Variants in RORA observed in about 807,000 individuals in gnomAD.
RORA encodes the protein RAR related orphan receptor A.
RORA carries 7 observed loss-of-function variants against 69.5 expected under a neutral mutation model. That is an observed-to-expected ratio of 0.10 (90% CI 0.06 to 0.19). The LOEUF is 0.19. RORA is among the 10% of genes least tolerant of loss of function. RORA has a pLI of 1.00. For missense variants in RORA, 457 were observed against 663.0 expected, an observed-to-expected ratio of 0.69 and a Z score of 3.41; for synonymous variants, 261 against 240.8, an observed-to-expected ratio of 1.08 and a Z score of -0.78.
At chr15:60,739,059 A>G (rs2071539753) in intron 1 of RORA, among the ~76,000 whole-genome samples, 1 of 152,214 alleles carries the variant, frequency 6.6e-6, no homozygotes, top group Admixed American at 6.5e-5. Flanking sequence ...TATTTTTCAA[A>G]TAAGGTCACA....
At chr15:60,997,928 T>C (rs569447184) in intron 1 of RORA, among the ~76,000 whole-genome samples, 1 of 152,336 alleles carries the variant, frequency 6.6e-6, no homozygotes, top group East Asian at 1.9e-4. Context: ...ATAATACTCT[T>C]GTTTATGTCT....
At chr15:60,700,346 G>T (rs1256139797) in intron 1 of RORA, among the ~76,000 whole-genome samples, 1 of 152,104 alleles carries the variant, frequency 6.6e-6, no homozygotes, top group African/African-American at 2.4e-5. Context: ...GTTGACCTTC[G>T]ATCCTGTCTG....
chr15:60,923,578 A>T (rs1321501351), intron 1 of RORA, among the ~76,000 whole-genome samples: 1 of 152,204 alleles, frequency 6.6e-6, no homozygotes, highest in Non-Finnish European at 1.5e-5. Context: ...GTCTCTCCCA[A>T]GTCTTTTTAA....
intron 2 of RORA, among the ~76,000 whole-genome samples, chr15:60,607,244 T>A (rs1254425359): frequency 6.6e-6 from 1 of 152,174 alleles, no homozygotes; most frequent in African/African-American, 2.4e-5. Flanking sequence ...CAGCATACTG[T>A]ACACACCATA....
At chr15:61,041,091 A>C (rs546437568) in intron 1 of RORA, 2 of 152,334 alleles carry the variant, frequency 1.3e-5, no homozygotes, top group Admixed American at 6.5e-5. Context: ...TGGAAAAAAA[A>C]CCCAAAACTC....
chr15:60,717,666 G>T (rs1298421410), intron 1 of RORA, among the ~76,000 whole-genome samples: 1 of 151,978 alleles, frequency 6.6e-6, no homozygotes, highest in Admixed American at 6.6e-5. Context: ...TTATGTGCCA[G>T]ACAATAAATA....
intron 2 of RORA, chr15:60,592,237 TG>T: frequency 2.3e-6 from 1 of 427,288 alleles, no homozygotes; most frequent in Non-Finnish European, 3.6e-6. Context: ...GCCGCGGCGG[TG>T]GCCCAGAAGG....
At position 61,125,079 on chromosome 15, in the gene RORA, T is replaced by C. The variant is rs529504518; in HGVS notation, c.166+103974A>G. Among the ~76,000 whole-genome samples the C allele has an allele frequency of 9.2e-5, 14 of 152,356 alleles. 1 individual carries two copies. The highest frequency in any genetic ancestry group is 2.9e-4 in the African/African-American group (12 of 41,580). Reference sequence around the variant, plus strand: ...TGTTCATCATCAACCTTTTCTGTGATTGCAATGTTGGTGGTGATGAAAATA... The same window carrying C: ...TGTTCATCATCAACCTTTTCTGTGACTGCAATGTTGGTGGTGATGAAAATA... On this transcript the variant is annotated intron_variant, in intron 1 of 10. Coordinates refer to ENST00000335670, the MANE Select transcript of RORA (RefSeq NM_134261.3).
intron 1 of RORA, among the ~76,000 whole-genome samples, chr15:60,903,520 T>C (rs1246950992): frequency 2.0e-5 from 3 of 152,242 alleles, no homozygotes; most frequent in Non-Finnish European, 4.4e-5. Context: ...CCTCAGTCTC[T>C]GTAGCCCAAA....
intron 2 of RORA, among the ~76,000 whole-genome samples, chr15:60,611,766 ATC>A (rs2069099089): frequency 6.6e-6 from 1 of 151,928 alleles, no homozygotes; most frequent in African/African-American, 2.4e-5. Context: ...TCACTCTTTC[ATC>A]ACTGCACTCA....
At chr15:60,985,710 G>C (rs1005656415) in intron 1 of RORA, among the ~76,000 whole-genome samples, 5 of 149,162 alleles carry the variant, frequency 3.4e-5, no homozygotes, top group African/African-American at 1.2e-4. Context: ...TCAGCCTCCT[G>C]AGTAGCTGAG....
At chr15:60,666,754 C>A (rs887650542) in intron 2 of RORA, among the ~76,000 whole-genome samples, 2 of 152,150 alleles carry the variant, frequency 1.3e-5, no homozygotes, top group African/African-American at 4.8e-5. Context: ...TGCATGGAAT[C>A]TCCTGGGAAC....
chr15:60,561,148 C>T (rs1488723297), intron 2 of RORA, among the ~76,000 whole-genome samples: 1 of 143,146 alleles, frequency 7.0e-6, no homozygotes, highest in East Asian at 2.1e-4. Context: ...GTGGCGCGAT[C>T]TCGGCTCACT....
chr15:60,611,895 A>G (rs1440986105), intron 2 of RORA, among the ~76,000 whole-genome samples: 1 of 152,214 alleles, frequency 6.6e-6, no homozygotes, highest in Non-Finnish European at 1.5e-5. Context: ...GCGGAAGGCC[A>G]AAGGACATTT....
chr15:61,073,759 C>T (rs2078405770), intron 1 of RORA, among the ~76,000 whole-genome samples: 1 of 152,166 alleles, frequency 6.6e-6, no homozygotes, highest in Non-Finnish European at 1.5e-5. Flanking sequence ...GAGAGGCAGG[C>T]AATCCATGTT....
At chr15:60,757,791 C>T (rs193160138) in intron 1 of RORA, among the ~76,000 whole-genome samples, 11 of 152,222 alleles carry the variant, frequency 7.2e-5, no homozygotes, top group African/African-American at 1.4e-4. Context: ...CCCTCTCTCC[C>T]GACCCCCAAA....
chr15:61,126,439 T>C (rs1596010784), intron 1 of RORA, among the ~76,000 whole-genome samples: 2 of 152,210 alleles, frequency 1.3e-5, no homozygotes, highest in East Asian at 1.9e-4. Context: ...GTCACTTCAT[T>C]GTATGACATC....
intron 2 of RORA, among the ~76,000 whole-genome samples, chr15:60,658,289 A>G (rs1020887931): frequency 2.0e-5 from 3 of 152,066 alleles, no homozygotes; most frequent in Non-Finnish European, 4.4e-5. Flanking sequence ...TCCTGACCTC[A>G]AGTGATCCGC....
chr15:60,840,818 C>T (rs2073187189), intron 1 of RORA, among the ~76,000 whole-genome samples: 1 of 152,230 alleles, frequency 6.6e-6, no homozygotes, highest in Non-Finnish European at 1.5e-5. Context: ...GGCAGCCTGA[C>T]TGACAAAGCA....
Sources: allele counts gnomAD v4.1 joint callset (sites outside exome capture counted in the v4.1 genomes callset), GRCh38; gene constraint gnomAD v4.1.1; transcripts MANE v1.5; gene names NCBI Gene and HGNC (gene_info 2026-07-23, HGNC 2026-07-21).